The following MYO16 variants were observed in gnomAD, a reference collection of about 807,000 sequenced individuals.
MYO16 encodes the protein myosin XVI.
A neutral mutation model predicts 205.3 loss-of-function variants in MYO16; 94 were observed. The ratio of observed to expected loss-of-function variants is 0.46; its 90% CI spans 0.39 to 0.54. The LOEUF is 0.54. Among genes scored for constraint, MYO16 ranks in the 20% least tolerant of loss-of-function variants. The probability of loss-of-function intolerance (pLI) is 0.00; values close to 1 mark genes in which losing one functional copy is unlikely to be tolerated. For missense variants in MYO16, 2,315 were observed against 2,387.5 expected (o/e 0.97, Z 0.63); for synonymous variants, 988 against 954.0 (o/e 1.04, Z -0.66).
At chr13:108,972,569 T>C (rs1321934516) in intron 20 of MYO16, among the ~76,000 whole-genome samples, 1 of 150,134 alleles carries the variant, frequency 6.7e-6, no homozygotes, top group African/African-American at 2.5e-5. Context: ...ATAAGGGAGA[T>C]ATTTTGTTCT....
intron 4 of MYO16, among the ~76,000 whole-genome samples, chr13:108,754,826 T>G (rs1427825583): frequency 6.6e-6 from 1 of 152,142 alleles, no homozygotes; most frequent in Admixed American, 6.5e-5. Context: ...GCATTTACAG[T>G]GTACATGGTA....
At chr13:109,025,813 A>T (rs1451095553) in intron 23 of MYO16, among the ~76,000 whole-genome samples, 1 of 152,224 alleles carries the variant, frequency 6.6e-6, no homozygotes, top group Non-Finnish European at 1.5e-5. Context: ...CTAAATTTTG[A>T]TGTGAGATGA....
intron 3 of MYO16, among the ~76,000 whole-genome samples, chr13:108,722,532 ACT>A (rs1450130675): frequency 6.6e-6 from 1 of 152,084 alleles, no homozygotes; most frequent in Non-Finnish European, 1.5e-5. Context: ...GATCTAATTA[ACT>A]CTGTTTGGTG....
chr13:109,109,431 G>C (rs1205440295), intron 28 of MYO16, among the ~76,000 whole-genome samples: 1 of 152,182 alleles, frequency 6.6e-6, no homozygotes, highest in East Asian at 1.9e-4. Context: ...AAGTTTTAGA[G>C]AGGGTAGAAC....
intron 23 of MYO16, among the ~76,000 whole-genome samples, chr13:109,031,208 C>T (rs1362752259): frequency 2.6e-5 from 4 of 152,108 alleles, no homozygotes; most frequent in African/African-American, 9.7e-5. Flanking sequence ...TCTTCAGCCT[C>T]AGCCTCCTGA....
intron 4 of MYO16, among the ~76,000 whole-genome samples, chr13:108,780,743 G>C (rs1193813964): frequency 6.6e-6 from 1 of 152,168 alleles, no homozygotes; most frequent in Non-Finnish European, 1.5e-5. Flanking sequence ...CAGGCACTAT[G>C]GTAGGTGTTG....
chr13:108,868,146 T>C (rs1336943970), intron 12 of MYO16, among the ~76,000 whole-genome samples: 1 of 152,210 alleles, frequency 6.6e-6, no homozygotes, highest in Non-Finnish European at 1.5e-5. Flanking sequence ...TGATAACATA[T>C]GTATTTCTTT....
intron 32 of MYO16, among the ~76,000 whole-genome samples, chr13:109,142,909 G>A (rs747039362): frequency 3.3e-5 from 5 of 152,036 alleles, no homozygotes; most frequent in Non-Finnish European, 5.9e-5. Context: ...TTCTTTCGTT[G>A]CTTCATTCTT....
chr13:108,805,050 C>T (rs911883507), intron 6 of MYO16, among the ~76,000 whole-genome samples: 2 of 152,192 alleles, frequency 1.3e-5, no homozygotes, highest in Non-Finnish European at 2.9e-5. Flanking sequence ...AAATTAGTAT[C>T]TTCTGAGATT....
intron 10 of MYO16, among the ~76,000 whole-genome samples, chr13:108,852,437 C>T (rs1257973846): frequency 6.6e-6 from 1 of 152,166 alleles, no homozygotes; most frequent in Non-Finnish European, 1.5e-5. Flanking sequence ...AGCTGTGTGA[C>T]CCTAGAAAAA....
rs868403494 is a variant in MYO16 at position 109,023,628 on chromosome 13, G to T, written c.2796+3717G>T. On this transcript the variant is annotated intron_variant, in intron 23 of 34. Transcript: ENST00000457511. ...ACATATTTATATATACAAATATATA[G>T]ACAAATATATATACAAATATATGTA... is the stretch of plus-strand genomic sequence containing the variant. Among the ~76,000 whole-genome samples, 451 of 102,366 alleles carry T rather than the reference G, an allele frequency of 4.4e-3. 12 individuals are homozygous for T. Among genetic ancestry groups the T allele is most frequent in the African/African-American group, 0.016 (420 of 25,856 alleles). 67.2% of individuals were successfully genotyped at this position (102,366 alleles called of 152,430 possible).
chr13:108,698,371 C>A (rs1284166584), intron 2 of MYO16, among the ~76,000 whole-genome samples: 1 of 152,172 alleles, frequency 6.6e-6, no homozygotes, highest in African/African-American at 2.4e-5. Flanking sequence ...GATGTGATTT[C>A]CGTTCCCAAT....
intron 27 of MYO16, among the ~76,000 whole-genome samples, chr13:109,084,606 TAA>T (rs1397274166): frequency 1.3e-5 from 2 of 152,200 alleles, no homozygotes; most frequent in Non-Finnish European, 2.9e-5. Context: ...AAATAATACT[TAA>T]GTTTACTCAC....
At chr13:109,137,752 C>CTATTT (rs1876849007) in intron 31 of MYO16, among the ~76,000 whole-genome samples, 2 of 152,324 alleles carry the variant, frequency 1.3e-5, no homozygotes, top group South Asian at 4.1e-4. Context: ...CCTACAATAT[C>CTATTT]TATTTTATTC....
At chr13:109,076,742 G>A (rs2139660780) in intron 27 of MYO16, among the ~76,000 whole-genome samples, 1 of 152,256 alleles carries the variant, frequency 6.6e-6, no homozygotes, top group Middle Eastern at 3.4e-3. Flanking sequence ...CAGTGAGCCT[G>A]CAGCATGACG....
chr13:108,701,677 A>C (rs576684070), intron 2 of MYO16, among the ~76,000 whole-genome samples: 72 of 152,352 alleles, frequency 4.7e-4, no homozygotes, highest in Non-Finnish European at 8.4e-4. Context: ...TAAACAAGAA[A>C]GTGTGTTCCA....
chr13:108,672,272 T>C (rs2139447618), intron 2 of MYO16, among the ~76,000 whole-genome samples: 1 of 152,288 alleles, frequency 6.6e-6, no homozygotes, highest in South Asian at 2.1e-4. Flanking sequence ...ATCTTTAAGC[T>C]ATTGAAATAG....
chr13:109,023,733 A>ATATACAAATATATGTATATATGCATG (rs1886245348), intron 23 of MYO16, among the ~76,000 whole-genome samples: 3 of 119,908 alleles, frequency 2.5e-5, no homozygotes, highest in Non-Finnish European at 3.6e-5. Flanking sequence ...ATATATGCAT[A>ATATACAAATATATGTATATATGCATG]TATACATATA....
At chr13:108,497,535 C>G in the MYO16 span, among the ~76,000 whole-genome samples, 1 of 152,134 alleles carries the variant, frequency 6.6e-6, no homozygotes, top group Admixed American at 6.5e-5. Context: ...AGACATCACC[C>G]AGAGTGTGAT....
Sources: allele counts gnomAD v4.1 joint callset (sites outside exome capture counted in the v4.1 genomes callset), GRCh38; gene constraint gnomAD v4.1.1; transcripts MANE v1.5; gene names NCBI Gene and HGNC (gene_info 2026-07-23, HGNC 2026-07-21).